Variants in IMMP2L observed in about 807,000 individuals in gnomAD.
IMMP2L encodes the protein mitochondrial inner membrane protease subunit 2.
A neutral mutation model predicts 19.3 loss-of-function variants in IMMP2L; 18 were observed. The observed-to-expected ratio is 0.93, with a 90% CI of 0.64 to 1.38. The LOEUF (loss-of-function observed/expected upper bound fraction) is 1.38. Ranked by LOEUF, IMMP2L falls within the 40% of genes most tolerant of loss-of-function variation. The pLI is 0.00. For synonymous variants in IMMP2L, 76 were observed against 73.0 expected (o/e 1.04, Z -0.21); for missense variants, 233 against 218.2 (o/e 1.07, Z -0.43).
At chr7:111,167,987 T>C (rs545858579) in intron 3 of IMMP2L, among the ~76,000 whole-genome samples, 1 of 152,108 alleles carries the variant, frequency 6.6e-6, no homozygotes, top group African/African-American at 2.4e-5. Flanking sequence ...GGTGTTGTTT[T>C]TACACTTGAA....
At chr7:110,829,930 G>A (rs1458079408) in intron 5 of IMMP2L, among the ~76,000 whole-genome samples, 1 of 152,130 alleles carries the variant, frequency 6.6e-6, no homozygotes. Flanking sequence ...CAATATTGAA[G>A]CTAGGTATCC....
chr7:111,416,431 C>T (rs1376761289), intron 3 of IMMP2L, among the ~76,000 whole-genome samples: 3 of 151,772 alleles, frequency 2.0e-5, no homozygotes, highest in Non-Finnish European at 4.4e-5. Context: ...AGATTTAGCC[C>T]AGATTTTGAA....
intron 3 of IMMP2L, among the ~76,000 whole-genome samples, chr7:110,979,603 A>T (rs1341594425): frequency 1.3e-5 from 2 of 152,180 alleles, no homozygotes; most frequent in African/African-American, 4.8e-5. Flanking sequence ...TACATATGTA[A>T]CCAACCTGCA....
intron 3 of IMMP2L, among the ~76,000 whole-genome samples, chr7:111,304,467 C>A (rs376958240): frequency 1.4e-4 from 21 of 151,550 alleles, no homozygotes; most frequent in African/African-American, 5.1e-4. Context: ...TAACGTTCAG[C>A]CATTTGTAGA....
At chr7:111,452,654 G>A (rs1426653680) in intron 3 of IMMP2L, among the ~76,000 whole-genome samples, 18 of 152,090 alleles carry the variant, frequency 1.2e-4, no homozygotes, top group African/African-American at 3.1e-4. Flanking sequence ...CTGTTCCTCT[G>A]CCACTAAATC....
chr7:111,299,355 T>C (rs998246427), intron 3 of IMMP2L, among the ~76,000 whole-genome samples: 1 of 152,132 alleles, frequency 6.6e-6, no homozygotes, highest in Non-Finnish European at 1.5e-5. Flanking sequence ...ACACCAGTTA[T>C]CACTAAATAG....
chr7:111,330,458 C>T (rs868311325), intron 3 of IMMP2L, among the ~76,000 whole-genome samples: 31 of 151,240 alleles, frequency 2.0e-4, no homozygotes, highest in Middle Eastern at 3.4e-3. Context: ...TATTCAAACA[C>T]AAACAACCAC....
chr7:110,929,875 G>C (rs1343312782), intron 4 of IMMP2L, among the ~76,000 whole-genome samples: 1 of 152,058 alleles, frequency 6.6e-6, no homozygotes, highest in Non-Finnish European at 1.5e-5. Context: ...TGAAATGATT[G>C]AGTTGTGAAT....
chr7:111,517,044 T>G (rs1020761506), intron 2 of IMMP2L, among the ~76,000 whole-genome samples: 1 of 152,102 alleles, frequency 6.6e-6, no homozygotes, highest in Non-Finnish European at 1.5e-5. Flanking sequence ...ATCCAGCTTC[T>G]CAGAGTTCAA....
At chr7:111,453,230 C>T (rs144447352) in intron 3 of IMMP2L, among the ~76,000 whole-genome samples, 1 of 152,320 alleles carries the variant, frequency 6.6e-6, no homozygotes, top group African/African-American at 2.4e-5. Context: ...TGGCATCCCA[C>T]TGTATAGCTT....
chr7:111,471,099 T>G (rs1388255934), intron 3 of IMMP2L, among the ~76,000 whole-genome samples: 1 of 152,032 alleles, frequency 6.6e-6, no homozygotes, highest in African/African-American at 2.4e-5. Flanking sequence ...TGAGAATTTT[T>G]CCAAAGAGTT....
rs773996076 is a variant in IMMP2L, at chr7:110,760,235, G to A, written c.409-96514C>T. ...ATAGTATCATTCCCTTTCTATTAGTGTTTATCTGCATCTGCCTTAGAGAAG... is the reference window on the plus strand; with the variant it reads ...ATAGTATCATTCCCTTTCTATTAGTATTTATCTGCATCTGCCTTAGAGAAG... On this transcript the variant is annotated intron_variant, in intron 5 of 5. Coordinates refer to ENST00000405709, the MANE Select transcript of IMMP2L (RefSeq NM_032549.4). This position sits in a 1 kb window ranked among gnomAD's most constrained non-coding sequence, Gnocchi z 4.2. Among the ~76,000 whole-genome samples the A allele has an allele frequency of 1.8e-4, 27 of 152,046 alleles. No individual in the cohort carries two copies. The highest frequency in any genetic ancestry group is 2.4e-4 in the Non-Finnish European group (16 of 68,024).
chr7:111,506,816 A>C (rs546847119), intron 2 of IMMP2L, among the ~76,000 whole-genome samples: 45 of 152,212 alleles, frequency 3.0e-4, no homozygotes, highest in African/African-American at 1.0e-3. Flanking sequence ...GTACCACCTT[A>C]TATCTTTCTG....
chr7:110,907,075 G>A (rs958486351), intron 4 of IMMP2L, among the ~76,000 whole-genome samples: 1 of 151,996 alleles, frequency 6.6e-6, no homozygotes, highest in South Asian at 2.1e-4. Context: ...GGGGTTGGGG[G>A]TGCCCACGAC....
intron 1 of IMMP2L, among the ~76,000 whole-genome samples, chr7:111,558,867 T>C (rs1435652829): frequency 6.6e-6 from 1 of 152,180 alleles, no homozygotes; most frequent in African/African-American, 2.4e-5. Flanking sequence ...AACAACAGAC[T>C]TGAAAATGAA....
At chr7:111,366,334 A>G (rs1829756042) in intron 3 of IMMP2L, among the ~76,000 whole-genome samples, 1 of 150,032 alleles carries the variant, frequency 6.7e-6, no homozygotes, top group African/African-American at 2.5e-5. Flanking sequence ...CATTCTATTA[A>G]AAAAAGAAAG....
rs139648337 is a variant in IMMP2L at position 110,887,977 on chromosome 7, C to T, written c.306-1282G>A. Among the ~76,000 whole-genome samples the T allele has an allele frequency of 9.5e-3, 1,441 of 151,976 alleles. 20 individuals are homozygous for T. The highest frequency in any genetic ancestry group is 0.032 in the African/African-American group (1,329 of 41,454). ...GAATAATGTATTTTAAAAAACTAAACATAAATTGGTGCTACAGAAACTGAA... is the reference window on the plus strand; with the variant it reads ...GAATAATGTATTTTAAAAAACTAAATATAAATTGGTGCTACAGAAACTGAA... On this transcript the variant is annotated intron_variant, in intron 4 of 5. Transcript: ENST00000405709.
At position 110,935,874 on chromosome 7, in the gene IMMP2L, G is replaced by A. The variant is rs183722231; in HGVS notation, c.305+27626C>T. Reference sequence around the variant, plus strand: ...ATATATAGACCAATGGAACAGAACCGAGGCCTCAGAAATAATGCCACACAT... The same window carrying A: ...ATATATAGACCAATGGAACAGAACCAAGGCCTCAGAAATAATGCCACACAT... On this transcript the variant is annotated intron_variant, in intron 4 of 5. Transcript: ENST00000405709. 4.3e-3 allele frequency among the ~76,000 whole-genome samples: 652 copies of A among 152,164 alleles called. 4 individuals carry two copies. Among genetic ancestry groups the A allele is most frequent in the African/African-American group, 0.015 (620 of 41,508 alleles).
intron 3 of IMMP2L, among the ~76,000 whole-genome samples, chr7:111,134,094 T>C (rs895398718): frequency 6.6e-5 from 10 of 152,056 alleles, no homozygotes; most frequent in African/African-American, 9.7e-5. Context: ...GATTTTAAGA[T>C]TGACCTAGTT....
Sources: allele counts gnomAD v4.1 joint callset (sites outside exome capture counted in the v4.1 genomes callset), GRCh38; gene constraint gnomAD v4.1.1; non-coding constraint Gnocchi (gnomAD v3.1); transcripts MANE v1.5; gene names NCBI Gene and HGNC (gene_info 2026-07-23, HGNC 2026-07-21).